Variants in FCHSD2 observed in about 807,000 individuals in gnomAD.
The protein encoded by FCHSD2 is F-BAR and double SH3 domains protein 2.
FCHSD2 carries 38 observed loss-of-function variants against 108.1 expected under a neutral mutation model. The observed-to-expected ratio is 0.35, with a 90% CI of 0.27 to 0.46. The LOEUF (loss-of-function observed/expected upper bound fraction) is 0.46, where lower values mean the gene tolerates loss of function less well. Ranked by LOEUF, FCHSD2 falls within the 20% of genes least tolerant of loss-of-function variation. The probability of loss-of-function intolerance (pLI) is 1.00; values close to 1 mark genes in which losing one functional copy is unlikely to be tolerated. For synonymous variants in FCHSD2, 279 were observed against 314.7 expected (o/e 0.89, Z 1.20); for missense variants, 751 against 897.8 (o/e 0.84, Z 2.09).
intron 1 of FCHSD2, among the ~76,000 whole-genome samples, chr11:73,140,708 A>T (rs1591588400): frequency 6.6e-6 from 1 of 152,208 alleles, no homozygotes; most frequent in African/African-American, 2.4e-5. Flanking sequence ...AGCAAAAGTG[A>T]CCTTCCAGCA....
intron 10 of FCHSD2, chr11:72,900,237 T>G: frequency 1.6e-5 from 8 of 509,478 alleles, no homozygotes; most frequent in Non-Finnish European, 2.7e-5. Flanking sequence ...CCTCCCGCCC[T>G]TGACCCACAC....
chr11:72,943,542 G>A (rs1027290903), intron 8 of FCHSD2, among the ~76,000 whole-genome samples: 6 of 152,170 alleles, frequency 3.9e-5, no homozygotes, highest in African/African-American at 1.4e-4. Context: ...TTTAATGAAA[G>A]GGAAGGAAAT....
intron 2 of FCHSD2, among the ~76,000 whole-genome samples, chr11:73,131,072 T>C (rs960572022): frequency 1.3e-5 from 2 of 152,252 alleles, no homozygotes; most frequent in Middle Eastern, 6.8e-3. Flanking sequence ...CTACTTCCAG[T>C]TTTCATCACA....
intron 8 of FCHSD2, among the ~76,000 whole-genome samples, chr11:72,942,699 G>T (rs989384026): frequency 6.6e-6 from 1 of 152,114 alleles, no homozygotes; most frequent in African/African-American, 2.4e-5. Context: ...TGACAAACAT[G>T]CTATAGAATG....
chr11:73,005,528 G>A (rs1003070786), intron 4 of FCHSD2, among the ~76,000 whole-genome samples: 3 of 152,130 alleles, frequency 2.0e-5, no homozygotes, highest in African/African-American at 4.8e-5. Flanking sequence ...TGCCGGTTCC[G>A]CTTCATCTCA....
intron 8 of FCHSD2, among the ~76,000 whole-genome samples, chr11:72,931,067 T>C (rs1227777181): frequency 3.3e-5 from 5 of 149,746 alleles, no homozygotes; most frequent in African/African-American, 9.8e-5. Flanking sequence ...TATATATATA[T>C]ATACCTACTA....
At chr11:72,945,881 G>A in intron 8 of FCHSD2, among the ~76,000 whole-genome samples, 1 of 152,092 alleles carries the variant, frequency 6.6e-6, no homozygotes, top group Non-Finnish European at 1.5e-5. Context: ...GCGATCATTA[G>A]AAAGTCAGGA....
At chr11:72,864,098 CTAAG>C (rs1854662664) in intron 13 of FCHSD2, among the ~76,000 whole-genome samples, 1 of 152,208 alleles carries the variant, frequency 6.6e-6, no homozygotes, top group African/African-American at 2.4e-5. Flanking sequence ...TGTTCATACT[CTAAG>C]TGAGGCTGTA....
chr11:73,133,775 A>C (rs1396706446), intron 2 of FCHSD2, among the ~76,000 whole-genome samples: 1 of 140,864 alleles, frequency 7.1e-6, no homozygotes, highest in Non-Finnish European at 1.5e-5. Flanking sequence ...TATGGGTGAC[A>C]CAGAGAAACT....
chr11:72,918,006 A>G (rs1565322357), intron 9 of FCHSD2, among the ~76,000 whole-genome samples: 1 of 152,212 alleles, frequency 6.6e-6, no homozygotes, highest in Non-Finnish European at 1.5e-5. Flanking sequence ...TTACAATATT[A>G]GCAACATGAA....
At chr11:72,886,393 C>T (rs4944016) in intron 12 of FCHSD2, among the ~76,000 whole-genome samples, 35,443 of 152,024 alleles carry the variant, frequency 0.23, 4,224 homozygotes, top group Middle Eastern at 0.31. Context: ...ATTCATCTGC[C>T]AGCATTCATC....
At chr11:73,004,153 C>T (rs967697178) in intron 4 of FCHSD2, among the ~76,000 whole-genome samples, 4 of 143,388 alleles carry the variant, frequency 2.8e-5, no homozygotes, top group African/African-American at 5.2e-5. Context: ...CAAGCATATA[C>T]GGTACTTTGC....
At chr11:72,961,146 T>G (rs1451563887) in intron 8 of FCHSD2, among the ~76,000 whole-genome samples, 2 of 152,164 alleles carry the variant, frequency 1.3e-5, no homozygotes, top group Non-Finnish European at 1.5e-5. Context: ...ATGTGGTATC[T>G]GCCCTCCCAA....
intron 2 of FCHSD2, among the ~76,000 whole-genome samples, chr11:73,129,971 C>T (rs1365707877): frequency 3.3e-5 from 5 of 151,092 alleles, no homozygotes; most frequent in Admixed American, 2.6e-4. Flanking sequence ...CTCTGCCTCC[C>T]GGGTTCACGT....
intron 2 of FCHSD2, among the ~76,000 whole-genome samples, chr11:73,128,620 A>G (rs1171794559): frequency 6.6e-6 from 1 of 152,226 alleles, no homozygotes; most frequent in African/African-American, 2.4e-5. Context: ...TTGCATAAGG[A>G]GAAATTGTCC....
At chr11:73,008,196 G>A (rs1312214263) in intron 4 of FCHSD2, among the ~76,000 whole-genome samples, 1 of 151,912 alleles carries the variant, frequency 6.6e-6, no homozygotes, top group African/African-American at 2.4e-5. Flanking sequence ...AAAATTAGCA[G>A]GGCATGGTGA....
intron 10 of FCHSD2, among the ~76,000 whole-genome samples, chr11:72,892,851 G>A (rs796767105): frequency 4.4e-4 from 67 of 151,938 alleles, no homozygotes; most frequent in African/African-American, 1.4e-3. Flanking sequence ...TGATCCACCC[G>A]CCTCGGCCTC....
At chr11:73,101,097 T>G (rs1378861243) in intron 2 of FCHSD2, among the ~76,000 whole-genome samples, 1 of 152,166 alleles carries the variant, frequency 6.6e-6, no homozygotes, top group African/African-American at 2.4e-5. Context: ...TGATGCTCAT[T>G]ATCATTATCA....
chr11:72,997,520 C>T (rs538274291), intron 5 of FCHSD2, among the ~76,000 whole-genome samples: 5 of 151,984 alleles, frequency 3.3e-5, no homozygotes, highest in Middle Eastern at 3.4e-3. Context: ...AAACCGCAGG[C>T]GGTTAAAAGA....
Sources: allele counts gnomAD v4.1 joint callset (sites outside exome capture counted in the v4.1 genomes callset), GRCh38; gene constraint gnomAD v4.1.1; transcripts MANE v1.5; gene names NCBI Gene and HGNC (gene_info 2026-07-23, HGNC 2026-07-21).